PROM1: variants seen among roughly 807,000 people sequenced by gnomAD.
PROM1 encodes prominin 1.
Under a neutral mutation model 116.9 loss-of-function variants are expected in PROM1, and 105 were observed. That is an observed-to-expected ratio of 0.90 (90% CI 0.77 to 1.06). PROM1 has a LOEUF of 1.06. Ranked by LOEUF, PROM1 falls within the 50% of genes least tolerant of loss-of-function variation. The pLI, the probability that PROM1 is intolerant of heterozygous loss-of-function variation, is 0.00. For missense variants in PROM1, 1,122 were observed against 1,045.2 expected, an observed-to-expected ratio of 1.07 and a Z score of -1.01; for synonymous variants, 393 against 387.0, an observed-to-expected ratio of 1.02 and a Z score of -0.18.
intron 25 of PROM1, 85 bp downstream of exon 25, chr4:15,979,796 A>G: frequency 8.3e-7 from 1 of 1,200,010 alleles, no homozygotes; most frequent in Non-Finnish European, 1.2e-6. Flanking sequence ...TAAGATGTTA[A>G]TAACTTAATT....
At chr4:15,982,625 T>C (rs1209256851) in intron 23 of PROM1, among the ~76,000 whole-genome samples, 1 of 152,112 alleles carries the variant, frequency 6.6e-6, no homozygotes, top group Non-Finnish European at 1.5e-5. Flanking sequence ...CCTCTGTCCC[T>C]GGTGATCTGT....
At chr4:15,988,078 G>A (rs1421509475) in intron 19 of PROM1, among the ~76,000 whole-genome samples, 5 of 151,970 alleles carry the variant, frequency 3.3e-5, no homozygotes, top group African/African-American at 1.2e-4. Context: ...GGGTTTCACC[G>A]TGTTAGCCAA....
rs545117833 is a variant in PROM1 at position 16,023,898 on chromosome 4, C to A, written c.694+397G>T. ...CCCAGTTGAGAAGCACTAAGCTAAA[C>A]CGTGGCATGCAGGGTTGAGCCCTCT... On this transcript the variant is annotated intron_variant, in intron 7 of 27. Transcript: ENST00000447510. Among the ~76,000 whole-genome samples, 105 of 152,156 alleles carry A rather than the reference C, an allele frequency of 6.9e-4. 6 individuals are homozygous for A. The highest frequency in any genetic ancestry group is 3.2e-4 in the Non-Finnish European group (22 of 68,032).
intron 26 of PROM1, among the ~76,000 whole-genome samples, chr4:15,975,542 T>A (rs1211023873): frequency 6.6e-6 from 1 of 152,128 alleles, no homozygotes; most frequent in Non-Finnish European, 1.5e-5. Flanking sequence ...TATTCCCTCC[T>A]TCTACAAGTG....
At chr4:16,035,622 G>T in intron 4 of PROM1, 113 bp downstream of exon 4, 1 of 1,038,416 alleles carries the variant, frequency 9.6e-7, no homozygotes, top group South Asian at 1.3e-5. Flanking sequence ...GGTTAAAAGT[G>T]ATGGTAAAAA....
chr4:16,079,225 C>T (rs947376852), intron 1 of PROM1: 2 of 152,160 alleles, frequency 1.3e-5, no homozygotes, highest in Non-Finnish European at 2.9e-5. Flanking sequence ...AGAGAAACTG[C>T]CAAGGGAAGA....
intron 13 of PROM1, among the ~76,000 whole-genome samples, chr4:16,005,897 A>G (rs1725352022): frequency 6.6e-6 from 1 of 152,206 alleles, no homozygotes; most frequent in African/African-American, 2.4e-5. Flanking sequence ...CATGCCTGCT[A>G]TGCTTTGTCG....
chr4:16,020,006 ACC>A lies in PROM1; in HGVS notation c.785-1468_785-1467del, dbSNP rs1452288960. ...ATCTGGCAAACTCTCACTTCTCAGG[ACC>A]TTGGTCTCATCTATAAATTAGGGAG... On this transcript the variant is annotated intron_variant, in intron 8 of 27. Coordinates refer to ENST00000447510, the MANE Select transcript of PROM1 (RefSeq NM_006017.3). Among the ~76,000 whole-genome samples the A allele has an allele frequency of 9.9e-5, 15 of 152,220 alleles. 1 individual carries two copies. The highest frequency in any genetic ancestry group is 3.1e-4 in the African/African-American group (13 of 41,528).
chr4:16,003,703 C>T (rs1205306001), intron 13 of PROM1, among the ~76,000 whole-genome samples: 2 of 152,186 alleles, frequency 1.3e-5, no homozygotes, highest in African/African-American at 4.8e-5. Context: ...GTAATCCCAA[C>T]ACATTGGGAG....
At chr4:16,019,668 T>C (rs1433984767) in intron 8 of PROM1, among the ~76,000 whole-genome samples, 1 of 152,208 alleles carries the variant, frequency 6.6e-6, no homozygotes, top group Non-Finnish European at 1.5e-5. Context: ...GTAAAAGATG[T>C]GAAATTTAAA....
chr4:16,010,207 T>C (rs966791339), intron 11 of PROM1, among the ~76,000 whole-genome samples: 5 of 152,078 alleles, frequency 3.3e-5, no homozygotes, highest in Admixed American at 1.3e-4. Flanking sequence ...TTCTGGAGAG[T>C]GTCCATCACA....
At chr4:15,976,467 G>T (rs1036900893) in intron 26 of PROM1, among the ~76,000 whole-genome samples, 1 of 152,210 alleles carries the variant, frequency 6.6e-6, no homozygotes, top group Non-Finnish European at 1.5e-5. Context: ...ATAGGTGCTC[G>T]GTTATTCTCT....
chr4:16,012,870 C>CAAAA lies in PROM1; in HGVS notation c.1141+401_1141+404dup, dbSNP rs71179681. 3.9e-3 allele frequency among the ~76,000 whole-genome samples: 326 copies of CAAAA among 83,566 alleles called. 12 individuals carry two copies. In the East Asian group the frequency reaches 0.087, roughly 22 times the overall value. 54.8% of individuals were successfully genotyped at this position (83,566 alleles called of 152,430 possible). A position where few individuals can be genotyped will look rare whatever the true frequency, so the allele number is the denominator to read the frequency against. ...TGAGCGACAGAGCGAGACTCTGTCT[C>CAAAA]AAAAAAAAAAAAAAAAAAAAACAAC... On this transcript the variant is annotated intron_variant, in intron 11 of 27. Transcript: ENST00000447510.
At position 16,067,344 on chromosome 4, in the gene PROM1, C is replaced by A. The variant is rs76994864; in HGVS notation, c.220+8343G>T. 5.4e-3 allele frequency among the ~76,000 whole-genome samples: 824 copies of A among 152,334 alleles called. 10 individuals are homozygous for A. The highest frequency in any genetic ancestry group is 0.018 in the African/African-American group (746 of 41,562). ...GGCAATTATGACTTGCCTCTGAAGC[C>A]TGCCTGGATTCAAACCCTGCCTCTG... On this transcript the variant is annotated intron_variant, in intron 2 of 27. Transcript: ENST00000447510.
intron 11 of PROM1, among the ~76,000 whole-genome samples, chr4:16,010,239 C>A (rs1399012315): frequency 6.6e-6 from 1 of 152,134 alleles, no homozygotes; most frequent in Non-Finnish European, 1.5e-5. Context: ...AATCAACTAA[C>A]CTTGGGTGCA....
rs185543658 is a variant in PROM1, at chr4:16,064,724, C to T, written c.220+10963G>A. Among the ~76,000 whole-genome samples, 13 of 152,262 alleles carry T rather than the reference C, an allele frequency of 8.5e-5. No homozygotes were observed. The East Asian group carries it at 2.5e-3, about 29-fold the overall frequency. On this transcript the variant is annotated intron_variant, in intron 2 of 27. Coordinates refer to ENST00000447510, the MANE Select transcript of PROM1 (RefSeq NM_006017.3). ...CCTAGCCAACATGGTGAAACCCTGT[C>T]TCTACTAAAAATACAAAAATTATCC...
intron 2 of PROM1, among the ~76,000 whole-genome samples, chr4:16,045,261 C>A (rs1736276731): frequency 6.6e-6 from 1 of 152,156 alleles, no homozygotes; most frequent in Admixed American, 6.5e-5. Context: ...TACACGCACA[C>A]CACTTCCAGG....
At chr4:16,044,607 A>G (rs1388553678) in intron 2 of PROM1, among the ~76,000 whole-genome samples, 1 of 152,228 alleles carries the variant, frequency 6.6e-6, no homozygotes, top group Non-Finnish European at 1.5e-5. Context: ...TTAAAACAAC[A>G]CTGTTCAAGT....
At chr4:16,013,071 A>G (rs887139524) in intron 11 of PROM1, among the ~76,000 whole-genome samples, 1 of 152,106 alleles carries the variant, frequency 6.6e-6, no homozygotes, top group Non-Finnish European at 1.5e-5. Context: ...GGGCTGGATG[A>G]TGTTTATCAG....
Sources: allele counts gnomAD v4.1 joint callset (sites outside exome capture counted in the v4.1 genomes callset), GRCh38; gene constraint gnomAD v4.1.1; transcripts MANE v1.5; gene names NCBI Gene and HGNC (gene_info 2026-07-23, HGNC 2026-07-21).